The following ZNF512B variants were observed in gnomAD, a reference collection of about 807,000 sequenced individuals.
ZNF512B encodes zinc finger protein 512B.
ZNF512B carries 22 observed loss-of-function variants against 87.8 expected under a neutral mutation model. That is an observed-to-expected ratio of 0.25 (90% CI 0.18 to 0.36). The LOEUF (loss-of-function observed/expected upper bound fraction) is 0.36, where lower values mean the gene tolerates loss of function less well. ZNF512B is among the 10% of genes least tolerant of loss of function. The pLI, the probability that ZNF512B is intolerant of heterozygous loss-of-function variation, is 1.00. For missense variants in ZNF512B, 1,060 were observed against 1,231.6 expected (o/e 0.86, Z 2.09); for synonymous variants, 524 against 490.9 (o/e 1.07, Z -0.89).
intron 8 of ZNF512B, 56 bp from the exon 9 acceptor site, chr20:63,963,969 G>T (rs904688836): frequency 6.3e-6 from 10 of 1,599,672 alleles, no homozygotes; most frequent in Non-Finnish European, 8.5e-6. Flanking sequence ...TGGCCCAGAC[G>T]CCAGGCACAG....
chr20:63,964,012 T>C lies in ZNF512B; in HGVS notation c.1480+59A>G, dbSNP rs562394208. 3 of 1,594,242 alleles carry C rather than the reference T, an allele frequency of 1.9e-6. No individual in the cohort carries two copies. The Admixed American group carries it at 5.0e-5, about 27-fold the overall frequency. ...TCTCCACACTCAGCCCCCATCCCTG[T>C]GCTGTGGGATCTACCCGCCGTCTAG... On this transcript the variant is annotated intron_variant, in intron 8 of 16. Transcript: ENST00000369888.
chr20:63,963,860 A>G lies in ZNF512B; in HGVS notation c.1534T>C (p.Cys512Arg), dbSNP rs1371431746. 1 of 1,612,692 alleles carries G rather than the reference A, an allele frequency of 6.2e-7. No individual in the cohort carries two copies. Among genetic ancestry groups the G allele is most frequent in the East Asian group, 2.2e-5 (1 of 44,882 alleles). ...CGGGTGACCACGTTGCAGGTGGGGC[A>G]GACGGCTTCCCCGCGCTCATGGATG... ...RAIHERGEAVCPTCNVVTRKT... is the reference protein window; with the variant it reads ...RAIHERGEAVRPTCNVVTRKT... The change falls in exon 9 of 17, where the codon TGC becomes CGC. Residue 512 changes from cysteine to arginine, a missense_variant. Cys to Arg is a radical substitution (Grantham distance 180). Around this residue, in one of 9 missense-constraint regions of ZNF512B, gnomAD observed 37 missense variants for 72.6 expected, o/e 0.51. Coordinates refer to ENST00000369888, the MANE Select transcript of ZNF512B (RefSeq NM_020713.3).
intron 3 of ZNF512B, 133 bp downstream of exon 3, chr20:63,967,248 A>C: frequency 7.2e-7 from 1 of 1,395,722 alleles, no homozygotes; most frequent in Non-Finnish European, 9.7e-7. Flanking sequence ...GGCCACGTGA[A>C]GTCTGCCAGG....
Position 63,966,259 on chromosome 20 carries a change from C to T in ZNF512B, c.916G>A (p.Val306Met), listed in dbSNP as rs766122224. The change falls in exon 5 of 17, where the codon GTG becomes ATG. Residue 306 changes from valine to methionine, a missense_variant. Around this residue, in one of 9 missense-constraint regions of ZNF512B, gnomAD observed 201 missense variants for 226.8 expected, o/e 0.89. Transcript: ENST00000369888. Reference sequence around the variant, plus strand: ...ATAGCAATGGGCCTGCTGACTGTCACCGGCTTGCTGACCACAATGGGCCTG... The same window carrying T: ...ATAGCAATGGGCCTGCTGACTGTCATCGGCTTGCTGACCACAATGGGCCTG... ...VSRPIVVSKP[V>M]TVSRPIAISR... 1.1e-5 allele frequency: 18 copies of T among 1,613,876 alleles called. No homozygotes were observed. In the Admixed American group the frequency reaches 2.2e-4, roughly 19 times the overall value.
Position 63,959,208 on chromosome 20 carries a change from G to C in ZNF512B, c.*680C>G, listed in dbSNP as rs367599568. Reference sequence around the variant, plus strand: ...GCTGGGAGAATTACAGACAGGCCTGGGGGGCAGGGCCTGAGCACAGCAGGG... The same window carrying C: ...GCTGGGAGAATTACAGACAGGCCTGCGGGGCAGGGCCTGAGCACAGCAGGG... On this transcript the variant is annotated 3_prime_UTR_variant, in exon 17 of 17. Transcript: ENST00000369888. 6.5e-6 allele frequency: 1 copy of C among 153,422 alleles called. No individual in the cohort carries two copies. The highest frequency in any genetic ancestry group is 1.9e-4 in the East Asian group (1 of 5,206). 9.5% of individuals were successfully genotyped at this position (153,422 alleles called of 1,614,324 possible). A position where few individuals can be genotyped will look rare whatever the true frequency, so the allele number is the denominator to read the frequency against.
At position 63,966,300 on chromosome 20, in the gene ZNF512B, TTGG is replaced by T; in HGVS notation, c.872_874del (p.Thr291del). 1 of 1,604,244 alleles carries T rather than the reference TTGG, an allele frequency of 6.2e-7. No homozygotes were observed. The highest frequency in any genetic ancestry group is 1.1e-5 in the South Asian group (1 of 90,492). On this transcript the variant is annotated inframe_deletion, in exon 5 of 17. Transcript: ENST00000369888. ...AATGGGCCTGCTGACTGTCACTGGC[TTGG>T]TGACCGGCACGGGTTTCGTAACTGT...
In ZNF512B at chr20:63,966,228, C is replaced by T. The variant is rs2058923621; in HGVS notation, c.947G>A (p.Arg316Lys). 6 of 1,613,856 alleles carry T rather than the reference C, an allele frequency of 3.7e-6. No individual in the cohort carries two copies. The highest frequency in any genetic ancestry group is 5.1e-6 in the Non-Finnish European group (6 of 1,180,056). The change falls in exon 5 of 17, where the codon AGA becomes AAA. Residue 316 changes from arginine (R) to lysine (K), a missense_variant. Coordinates refer to ENST00000369888, the MANE Select transcript of ZNF512B (RefSeq NM_020713.3). ...VTVSRPIAIS[R>K]HTPPCKMVLL... ...CACCATTTTGCAGGGCGGTGTGTGT[C>T]TGCTGATAGCAATGGGCCTGCTGAC... is the stretch of plus-strand genomic sequence containing the variant.
chr20:63,962,257 G>A lies in ZNF512B; in HGVS notation c.2265+16C>T, dbSNP rs763835461. 17 of 1,599,682 alleles carry A rather than the reference G, an allele frequency of 1.1e-5. No homozygotes were observed. Among genetic ancestry groups the A allele is most frequent in the South Asian group, 5.6e-5 (5 of 89,920 alleles). On this transcript the variant is annotated intron_variant, in intron 14 of 16. Coordinates refer to ENST00000369888, the MANE Select transcript of ZNF512B (RefSeq NM_020713.3). ...GTATGGCTCCCCACGCCCCCCACCC[G>A]GCTGCCTCCGCTCACGTCGTTGGGA... is the stretch of plus-strand genomic sequence containing the variant.
In ZNF512B at chr20:63,967,842, G is replaced by A. The variant is rs2058943455; in HGVS notation, c.109C>T (p.Pro37Ser). The stretch of plus-strand genomic sequence containing the variant: ...TGACTCCTCTTACCCATCTTCGGTG[G>A]GTCATGCAGCATTGGAAGTCGGACC... ...KEVRLPMLHD[P>S]PKMGMPVVRG... Residue 37 changes from proline (P) to serine (S), a missense_variant, in exon 2 of 17, where the codon CCA becomes TCA. By Grantham distance (74) the Pro-to-Ser change is moderately conservative (BLOSUM62 -1). This residue lies in a region of ZNF512B where 134 missense variants were observed against 153.6 expected (regional missense o/e 0.87). Coordinates refer to ENST00000369888, the MANE Select transcript of ZNF512B (RefSeq NM_020713.3). The A allele has an allele frequency of 1.9e-6, 3 of 1,612,484 alleles. No individual in the cohort carries two copies. The highest frequency in any genetic ancestry group is 2.5e-6 in the Non-Finnish European group (3 of 1,179,268).
At position 63,963,208 on chromosome 20, in the gene ZNF512B, C is replaced by T. The variant is rs776124714; in HGVS notation, c.1855G>A (p.Gly619Arg). The change falls in exon 12 of 17, where the codon GGG becomes AGG. Residue 619 changes from glycine (G) to arginine (R), a missense_variant. This residue lies in a region of ZNF512B where 165 missense variants were observed against 173.0 expected (regional missense o/e 0.95). Transcript: ENST00000369888. ...CTGTCCACCTCGCAGGGCGGCTTCCCGCAGCGCCGCTGGTGGTACTGGTAG... is the reference window on the plus strand; with the variant it reads ...CTGTCCACCTCGCAGGGCGGCTTCCTGCAGCGCCGCTGGTGGTACTGGTAG... ...MGYQYHQRRC[G>R]KPPCEVDSPS... The T allele has an allele frequency of 1.0e-5, 16 of 1,546,812 alleles. No individual in the cohort carries two copies. Among genetic ancestry groups the T allele is most frequent in the Non-Finnish European group, 1.2e-5 (14 of 1,150,054 alleles).
At chr20:63,967,094 C>T in intron 3 of ZNF512B, 90 bp from the exon 4 acceptor site, 1 of 1,567,514 alleles carries the variant, frequency 6.4e-7, no homozygotes, top group Non-Finnish European at 8.6e-7. Context: ...CCCGGGCCTG[C>T]AGGGCACACA....
At chr20:63,963,589 C>T (rs955439111) in intron 10 of ZNF512B, 29 bp downstream of exon 10, 23 of 1,612,116 alleles carry the variant, frequency 1.4e-5, no homozygotes, top group Non-Finnish European at 1.9e-5. Flanking sequence ...AGAGGTCACG[C>T]TGGACGGGAG....
At position 63,959,514 on chromosome 20, in the gene ZNF512B, G is replaced by A. The variant is rs1185157263; in HGVS notation, c.*374C>T. On this transcript the variant is annotated 3_prime_UTR_variant, in exon 17 of 17. Coordinates refer to ENST00000369888, the MANE Select transcript of ZNF512B (RefSeq NM_020713.3). ...GTCACCAGGGATGCCTGAGCCTTGGGGTAGCCAGGGAAGGGACCCGGCAGG... is the reference window on the plus strand; with the variant it reads ...GTCACCAGGGATGCCTGAGCCTTGGAGTAGCCAGGGAAGGGACCCGGCAGG... 2 of 254,346 alleles carry A rather than the reference G, an allele frequency of 7.9e-6. No homozygotes were observed. Among genetic ancestry groups the A allele is most frequent in the Non-Finnish European group, 1.5e-5 (2 of 134,208 alleles). 15.8% of individuals were successfully genotyped at this position (254,346 alleles called of 1,614,324 possible).
Position 63,966,259 on chromosome 20 carries a change from C to G in ZNF512B, c.916G>C (p.Val306Leu). ...VSRPIVVSKP[V>L]TVSRPIAISR... is the part of the protein sequence containing the mutation. The stretch of plus-strand genomic sequence containing the variant: ...ATAGCAATGGGCCTGCTGACTGTCA[C>G]CGGCTTGCTGACCACAATGGGCCTG... The change falls in exon 5 of 17, where the codon GTG (valine) becomes CTG (leucine). Residue 306 changes from valine to leucine, a missense_variant. Physicochemically the swap from Val to Leu is conservative, Grantham distance 32 (BLOSUM62 1). This residue lies in a region of ZNF512B where 201 missense variants were observed against 226.8 expected (regional missense o/e 0.89). Coordinates refer to ENST00000369888, the MANE Select transcript of ZNF512B (RefSeq NM_020713.3). 4 of 1,613,994 alleles carry G rather than the reference C, an allele frequency of 2.5e-6. No individual in the cohort carries two copies. The highest frequency in any genetic ancestry group is 3.4e-6 in the Non-Finnish European group (4 of 1,180,038).
rs781699854 is a variant in ZNF512B at position 63,967,574 on chromosome 20, A to C, written c.122-51T>G. The C allele has an allele frequency of 3.3e-6, 5 of 1,535,682 alleles. No individual in the cohort carries two copies. In the South Asian group the frequency reaches 6.1e-5, roughly 19 times the overall value. On this transcript the variant is annotated intron_variant, in intron 2 of 16. Coordinates refer to ENST00000369888, the MANE Select transcript of ZNF512B (RefSeq NM_020713.3). ...CGGAAGCTGTGTAGCACCGCCTACCACCGGCGGCTGCACAGGCCCACAGTG... is the reference window on the plus strand; with the variant it reads ...CGGAAGCTGTGTAGCACCGCCTACCCCCGGCGGCTGCACAGGCCCACAGTG...
rs761190026 is a variant in ZNF512B at position 63,961,304 on chromosome 20, C to T, written c.2427+5G>A. 19 of 1,611,624 alleles carry T rather than the reference C, an allele frequency of 1.2e-5. No individual in the cohort carries two copies. Among genetic ancestry groups the T allele is most frequent in the East Asian group, 4.5e-5 (2 of 44,900 alleles). ...AGCCACAGGCCCTGGTGATGGCCCT[C>T]GCACCTCTGCGTGGGTCTTCAGGAT... On this transcript the variant is annotated splice_donor_5th_base_variant and intron_variant, in intron 16 of 16. Transcript: ENST00000369888. The surrounding 1 kb of genome is among the most constrained non-coding windows in gnomAD (Gnocchi z 6.4).
At chr20:63,960,169 TG>T in intron 16 of ZNF512B, 30 bp from the exon 17 acceptor site, 2 of 1,610,270 alleles carry the variant, frequency 1.2e-6, no homozygotes, top group South Asian at 2.2e-5. Context: ...GATGAAGACC[TG>T]GGACTGGATG....
intron 3 of ZNF512B, 130 bp from the exon 4 acceptor site, chr20:63,967,134 G>A: frequency 7.0e-7 from 1 of 1,423,082 alleles, no homozygotes; most frequent in Non-Finnish European, 9.4e-7. Context: ...CCTCGGGACT[G>A]CAGTGGGAAT....
rs367846812 is a variant in ZNF512B, at chr20:63,966,550, G to T, written c.625C>A (p.Pro209Thr). 1.2e-6 allele frequency: 2 copies of T among 1,613,888 alleles called. No individual in the cohort carries two copies. Among genetic ancestry groups the T allele is most frequent in the African/African-American group, 2.7e-5 (2 of 74,900 alleles). ...GAGACTGGCTTGCTGATGCCAATGG[G>T]TTTGCTGACACCCACAGGTTTGCCA... ...TIGKPVGVSKPIGISKPVSVG... is the reference protein window; with the variant it reads ...TIGKPVGVSKTIGISKPVSVG... Residue 209 changes from proline (P) to threonine (T), a missense_variant, in exon 5 of 17, where the codon CCC becomes ACC. Coordinates refer to ENST00000369888, the MANE Select transcript of ZNF512B (RefSeq NM_020713.3).
Sources: allele counts gnomAD v4.1 joint callset, GRCh38; gene constraint gnomAD v4.1.1; regional missense constraint gnomAD v4.1.1; non-coding constraint Gnocchi (gnomAD v3.1); transcripts MANE v1.5; gene names NCBI Gene and HGNC (gene_info 2026-07-23, HGNC 2026-07-21).